Variants in UNC13B observed in about 807,000 individuals in gnomAD.
UNC13B encodes the protein protein unc-13 homolog B.
In UNC13B, 144 loss-of-function variants were observed where a neutral mutation model predicts 211.0. The observed-to-expected ratio is 0.68, with a 90% CI of 0.60 to 0.78. The LOEUF (loss-of-function observed/expected upper bound fraction) is 0.78. UNC13B is among the 30% of genes least tolerant of loss of function. The pLI is 0.00. For synonymous variants in UNC13B, 709 were observed against 725.8 expected, an observed-to-expected ratio of 0.98 and a Z score of 0.37; for missense variants, 1,777 against 2,002.0, an observed-to-expected ratio of 0.89 and a Z score of 2.14.
At chr9:35,355,416 G>A (rs1398321742) in intron 11 of UNC13B, among the ~76,000 whole-genome samples, 2 of 152,072 alleles carry the variant, frequency 1.3e-5, no homozygotes, top group South Asian at 2.1e-4. Context: ...TGAAAATTAC[G>A]TCATTCTCTT....
At chr9:35,195,038 G>A in intron 1 of UNC13B, among the ~76,000 whole-genome samples, 1 of 151,530 alleles carries the variant, frequency 6.6e-6, no homozygotes, top group East Asian at 2.0e-4. Flanking sequence ...TCAGGTGTGA[G>A]CTTTACATAG....
chr9:35,389,759 G>A, intron 24 of UNC13B, 87 bp from the exon 25 acceptor site: 2 of 1,449,622 alleles, frequency 1.4e-6, no homozygotes, highest in Non-Finnish European at 9.6e-7. Context: ...GTATAGGAAG[G>A]GGAAGAGAAA....
intron 11 of UNC13B, chr9:35,351,554 G>A (rs1169063479): frequency 2.4e-6 from 3 of 1,232,234 alleles, no homozygotes; most frequent in Non-Finnish European, 3.0e-6. Context: ...AGAGTCAGAG[G>A]AAGAAATCAT....
intron 3 of UNC13B, among the ~76,000 whole-genome samples, chr9:35,231,478 T>C (rs961988826): frequency 1.3e-5 from 2 of 152,166 alleles, no homozygotes; most frequent in Non-Finnish European, 2.9e-5. Context: ...AAACTCCCAA[T>C]TGATTTGTGT....
In UNC13B at chr9:35,237,842, A is replaced by G. The variant is rs773557780; in HGVS notation, c.394+16A>G. 40 of 1,591,706 alleles carry G rather than the reference A, an allele frequency of 2.5e-5. No individual in the cohort carries two copies. Among genetic ancestry groups the G allele is most frequent in the East Asian group, 2.5e-4 (11 of 44,388 alleles). On this transcript the variant is annotated intron_variant, in intron 5 of 39. Transcript: ENST00000635942. ...TTGCCTTTTGGTGAGTAAAATTTTA[A>G]AACTATTTAATAATTTTTACCATAT...
chr9:35,369,823 C>A lies in UNC13B; in HGVS notation c.9462-495C>A, dbSNP rs1273323440. Among the ~76,000 whole-genome samples, 5 of 152,274 alleles carry A rather than the reference C, an allele frequency of 3.3e-5. No homozygotes were observed. In the South Asian group the frequency reaches 1.0e-3, roughly 32 times the overall value. ...AGACAGAACTGGTGACTCTTTTACT[C>A]TTGGATGGAGACGGTCTCCTTCTAT... On this transcript the variant is annotated intron_variant, in intron 12 of 39. Transcript: ENST00000635942.
rs369613302 is a variant in UNC13B at position 35,403,974 on chromosome 9, G to T, written c.12964G>T (p.Val4322Leu). Residue 4322 changes from valine (V) to leucine (L), a missense_variant, in exon 40 of 40, where the codon GTG becomes TTG. Val to Leu is a conservative substitution (Grantham distance 32, BLOSUM62 1). Coordinates refer to ENST00000635942, the MANE Select transcript of UNC13B (RefSeq NM_001371189.2). The stretch of plus-strand genomic sequence containing the variant: ...TTTATCTCAGAGGAGCAATGACGAG[G>T]TGGCCCGAGAATTTGTGAAACTCAA... The part of the protein sequence containing the change: ...RILSQRSNDE[V>L]AREFVKLKSE... 2.7e-5 allele frequency: 44 copies of T among 1,613,984 alleles called. No homozygotes were observed. In the Middle Eastern group the frequency reaches 6.6e-4, roughly 24 times the overall value.
At position 35,270,339 on chromosome 9, in the gene UNC13B, ATG is replaced by A. The variant is rs67433459; in HGVS notation, c.526+11311_526+11312del. Among the ~76,000 whole-genome samples, 656 of 150,330 alleles carry A rather than the reference ATG, an allele frequency of 4.4e-3. 1 individual carries two copies. Among genetic ancestry groups the A allele is most frequent in the African/African-American group, 0.012 (477 of 40,892 alleles). The stretch of plus-strand genomic sequence containing the variant: ...ATTCTCTCTCTCTCTATGTATATAT[ATG>A]TGTGTGTGTGTGTGTGTGTGTATGT... On this transcript the variant is annotated intron_variant, in intron 7 of 39. Coordinates refer to ENST00000635942, the MANE Select transcript of UNC13B (RefSeq NM_001371189.2).
In UNC13B at chr9:35,300,876, A is replaced by T; in HGVS notation, c.1472A>T (p.Lys491Ile). Residue 491 changes from lysine to isoleucine, a missense_variant, in exon 9 of 40, where the codon AAA becomes ATA. Physicochemically the swap from Lys to Ile is moderately radical, Grantham distance 102. Transcript: ENST00000635942. The stretch of plus-strand genomic sequence containing the variant: ...TTTGGTTCACTTTCAAAAACTAAAA[A>T]ATCACATAAACAAAATAGTACTCTT... The part of the protein sequence containing the change: ...NRFGSLSKTK[K>I]SHKQNSTLDA... 1 of 398,988 alleles carries T rather than the reference A, an allele frequency of 2.5e-6. No individual in the cohort carries two copies. The highest frequency in any genetic ancestry group is 4.4e-5 in the Admixed American group (1 of 22,740). 24.7% of individuals were successfully genotyped at this position (398,988 alleles called of 1,614,324 possible).
Position 35,231,121 on chromosome 9 carries a change from T to A in UNC13B, c.54T>A (p.Asp18Glu). The A allele has an allele frequency of 6.2e-7, 1 of 1,607,468 alleles. No homozygotes were observed. Among genetic ancestry groups the A allele is most frequent in the South Asian group, 1.1e-5 (1 of 90,692 alleles). ...TCTCCATTTTGTATTTTTTCAAAGA[T>A]AAATTTAACACATATGTGACCCTGA... ...VKRAKFQGSPDKFNTYVTLKV... is the reference protein window; with the variant it reads ...VKRAKFQGSPEKFNTYVTLKV... Residue 18 changes from aspartate (D) to glutamate (E), a missense_variant and splice_region_variant, in exon 3 of 40, where the codon GAT becomes GAA. By Grantham distance (45) the Asp-to-Glu change is conservative (BLOSUM62 2). Coordinates refer to ENST00000635942, the MANE Select transcript of UNC13B (RefSeq NM_001371189.2).
intron 21 of UNC13B, among the ~76,000 whole-genome samples, chr9:35,383,394 A>G (rs1319095444): frequency 6.6e-6 from 1 of 152,224 alleles, no homozygotes; most frequent in Non-Finnish European, 1.5e-5. Flanking sequence ...TTTTGGGCAT[A>G]AAGTTACTGA....
At chr9:35,312,568 G>A (rs1279646625) in intron 10 of UNC13B, among the ~76,000 whole-genome samples, 4 of 152,144 alleles carry the variant, frequency 2.6e-5, no homozygotes, top group African/African-American at 9.7e-5. Flanking sequence ...GTCCTCTCAG[G>A]TCCTAGCTGT....
intron 11 of UNC13B, 103 bp from the exon 12 acceptor site, chr9:35,366,843 TG>T: frequency 2.1e-6 from 2 of 957,898 alleles, no homozygotes; most frequent in Admixed American, 3.7e-5. Flanking sequence ...ATGGTGAATG[TG>T]ACTTACACTG....
At chr9:35,374,456 C>G (rs1834261546) in intron 13 of UNC13B, among the ~76,000 whole-genome samples, 1 of 137,074 alleles carries the variant, frequency 7.3e-6, no homozygotes, top group African/African-American at 2.9e-5. Context: ...GTGTGGCTAG[C>G]AAGGCAGCCC....
chr9:35,231,192 A>G lies in UNC13B; in HGVS notation c.125A>G (p.Gln42Arg). The part of the protein sequence containing the change: ...KSTTVAVRGD[Q>R]PSWEQDFMFE... Reference sequence around the variant, plus strand: ...ACAACTGTAGCAGTTCGTGGTGATCAGCCTTCCTGGGAACAGGATTTCATG... The same window carrying G: ...ACAACTGTAGCAGTTCGTGGTGATCGGCCTTCCTGGGAACAGGATTTCATG... The change falls in exon 3 of 40, where the codon CAG becomes CGG. Residue 42 changes from glutamine (Q) to arginine (R), a missense_variant. By Grantham distance (43) the Gln-to-Arg change is conservative. Transcript: ENST00000635942. 1 of 1,613,348 alleles carries G rather than the reference A, an allele frequency of 6.2e-7. No homozygotes were observed. The highest frequency in any genetic ancestry group is 8.5e-7 in the Non-Finnish European group (1 of 1,179,388).
chr9:35,317,954 GT>G (rs1188098624), intron 11 of UNC13B, among the ~76,000 whole-genome samples: 1 of 152,094 alleles, frequency 6.6e-6, no homozygotes, highest in Non-Finnish European at 1.5e-5. Context: ...GCAAAGCAAA[GT>G]AATTAGCCTT....
chr9:35,370,495 C>A, intron 13 of UNC13B, 99 bp downstream of exon 13: 2 of 1,114,450 alleles, frequency 1.8e-6, no homozygotes, highest in Non-Finnish European at 2.6e-6. Context: ...CATTTAATGA[C>A]TCAAATTGAT....
In UNC13B at chr9:35,302,221, T is replaced by C. The variant is rs564680689; in HGVS notation, c.2817T>C (p.Asp939=). The C allele has an allele frequency of 1.8e-5, 7 of 398,724 alleles. No homozygotes were observed. The highest frequency in any genetic ancestry group is 2.2e-5 in the Non-Finnish European group (5 of 225,814). 24.7% of individuals were successfully genotyped at this position (398,724 alleles called of 1,614,324 possible). ...GTTCTGTTCCAAATATTCATAGTGA[T>C]CTAGGAAAATTTGACAGTACAGAGG... ...KSSSVPNIHS[D]LGKFDSTEEF... The change falls in exon 9 of 40, where the codon GAT becomes GAC. Residue 939 remains aspartate, a synonymous_variant. Transcript: ENST00000635942.
intron 7 of UNC13B, among the ~76,000 whole-genome samples, chr9:35,284,014 C>A (rs985506355): frequency 6.6e-6 from 1 of 152,180 alleles, no homozygotes; most frequent in South Asian, 2.1e-4. Flanking sequence ...AATCCCAGAA[C>A]TTTGGGAGGC....
Sources: gnomAD v4.1 joint callset for allele counts (sites outside exome capture counted in the v4.1 genomes callset) on GRCh38, gnomAD v4.1.1 for gene constraint, MANE v1.5 for transcripts, NCBI Gene and HGNC (gene_info 2026-07-23, HGNC 2026-07-21) for gene names.